The following HPDL variants were observed in gnomAD, a reference collection of about 807,000 sequenced individuals.
The protein encoded by HPDL is 4-hydroxyphenylpyruvate dioxygenase-like protein.
In HPDL, 7 loss-of-function variants were observed where a neutral mutation model predicts 9.8. The ratio of observed to expected loss-of-function variants is 0.71; its 90% CI spans 0.41 to 1.34. HPDL has a LOEUF of 1.34. Among genes scored for constraint, HPDL ranks in the 40% most tolerant of loss-of-function variants. The pLI, the probability that HPDL is intolerant of heterozygous loss-of-function variation, is 0.01. For missense variants in HPDL, 530 were observed against 495.1 expected, an observed-to-expected ratio of 1.07 and a Z score of -0.67; for synonymous variants, 250 against 228.2, an observed-to-expected ratio of 1.10 and a Z score of -0.86.
chr1:45,327,563 C>T lies in HPDL; in HGVS notation c.415C>T (p.Arg139Cys), dbSNP rs746273326. The change falls in exon 1 of 1, where the codon CGC becomes TGC. Residue 139 changes from arginine to cysteine, a missense_variant. Arg to Cys is a radical substitution (Grantham distance 180). Coordinates refer to ENST00000334815, the MANE Select transcript of HPDL (RefSeq NM_032756.4). This position sits in a 1 kb window ranked among gnomAD's most constrained non-coding sequence, Gnocchi z 6.3. ...GACCTTGCTGGAGCGCGCTGGCTAC[C>T]GCGGACCCTTCCTACCCGGCTTCAG... ...SLTLLERAGY[R>C]GPFLPGFRPV... is the part of the protein sequence containing the mutation. The T allele has an allele frequency of 1.9e-6, 3 of 1,609,918 alleles. No homozygotes were observed. The highest frequency in any genetic ancestry group is 1.1e-5 in the South Asian group (1 of 90,994).
In HPDL at chr1:45,327,902, A is replaced by G; in HGVS notation, c.754A>G (p.Lys252Glu). 6.4e-7 allele frequency: 1 copy of G among 1,551,778 alleles called. No individual in the cohort carries two copies. Among genetic ancestry groups the G allele is most frequent in the Non-Finnish European group, 8.7e-7 (1 of 1,148,714 alleles). ...GGTGGAGCAGTTCCTGGCCCGGCAC[A>G]AGGGGCCAGGCCTGCAGCACGTGGG... ...DQVEQFLARH[K>E]GPGLQHVGLY... Residue 252 changes from lysine to glutamate, a missense_variant, in exon 1 of 1, where the codon AAG becomes GAG. Transcript: ENST00000334815. This position sits in a 1 kb window ranked among gnomAD's most constrained non-coding sequence, Gnocchi z 6.3.
In HPDL at chr1:45,328,478, G is replaced by T. The variant is rs1231467143; in HGVS notation, c.*214G>T. On this transcript the variant is annotated 3_prime_UTR_variant, in exon 1 of 1. Coordinates refer to ENST00000334815, the MANE Select transcript of HPDL (RefSeq NM_032756.4). Reference sequence around the variant, plus strand: ...AAAACTAAAACATTTCTTATATACAGTCTATAATAAATATGTAAGATACAA... The same window carrying T: ...AAAACTAAAACATTTCTTATATACATTCTATAATAAATATGTAAGATACAA... The T allele has an allele frequency of 9.6e-6, 5 of 522,604 alleles. No homozygotes were observed. Among genetic ancestry groups the T allele is most frequent in the South Asian group, 7.3e-5 (2 of 27,390 alleles). 32.4% of individuals were successfully genotyped at this position (522,604 alleles called of 1,614,324 possible). A position where few individuals can be genotyped will look rare whatever the true frequency, so the allele number is the denominator to read the frequency against.
Position 45,327,200 on chromosome 1 carries a change from G to A in HPDL, c.52G>A (p.Gly18Arg). The change falls in exon 1 of 1, where the codon GGG (glycine) becomes AGG (arginine). Residue 18 changes from glycine to arginine, a missense_variant. Coordinates refer to ENST00000334815, the MANE Select transcript of HPDL (RefSeq NM_032756.4). This position sits in a 1 kb window ranked among gnomAD's most constrained non-coding sequence, Gnocchi z 6.3. ...LCHIAFHVPAGQPLARNLQRL... is the reference protein window; with the variant it reads ...LCHIAFHVPARQPLARNLQRL... ...CCACATCGCCTTCCACGTGCCCGCCGGGCAGCCCCTAGCCCGGAACCTGCA... is the reference window on the plus strand; with the variant it reads ...CCACATCGCCTTCCACGTGCCCGCCAGGCAGCCCCTAGCCCGGAACCTGCA... 6.3e-7 allele frequency: 1 copy of A among 1,594,378 alleles called. No homozygotes were observed. The highest frequency in any genetic ancestry group is 8.5e-7 in the Non-Finnish European group (1 of 1,169,860).
rs1644238533 is a variant in HPDL at position 45,326,972 on chromosome 1, G to A, written c.-177G>A. The A allele has an allele frequency of 3.4e-6, 2 of 588,890 alleles. No homozygotes were observed. The highest frequency in any genetic ancestry group is 5.4e-6 in the Non-Finnish European group (2 of 373,538). The allele number at this position is 588,890 out of a possible 1,614,324, so 36.5% of individuals were successfully genotyped here. On this transcript the variant is annotated 5_prime_UTR_variant, in exon 1 of 1. Transcript: ENST00000334815. The stretch of plus-strand genomic sequence containing the variant: ...CTGGGGTGGCGCTGCAGGGAGAACC[G>A]CGAGCTCTCAGGGGTCGGCGGGTGA...
At position 45,327,910 on chromosome 1, in the gene HPDL, A is replaced by G; in HGVS notation, c.762A>G (p.Pro254=). ...VEQFLARHKG[P]GLQHVGLYTP... is the part of the protein sequence containing the mutation. ...AGTTCCTGGCCCGGCACAAGGGGCC[A>G]GGCCTGCAGCACGTGGGGCTGTATA... Residue 254 remains proline (P), a synonymous_variant, in exon 1 of 1, where the codon CCA becomes CCG. Transcript: ENST00000334815. The surrounding 1 kb of genome is among the most constrained non-coding windows in gnomAD (Gnocchi z 6.3). The G allele has an allele frequency of 6.4e-7, 1 of 1,559,436 alleles. No individual in the cohort carries two copies. The highest frequency in any genetic ancestry group is 1.2e-5 in the South Asian group (1 of 82,044).
At position 45,327,905 on chromosome 1, in the gene HPDL, G is replaced by T. The variant is rs748806937; in HGVS notation, c.757G>T (p.Gly253Trp). ...GGAGCAGTTCCTGGCCCGGCACAAGGGGCCAGGCCTGCAGCACGTGGGGCT... is the reference window on the plus strand; with the variant it reads ...GGAGCAGTTCCTGGCCCGGCACAAGTGGCCAGGCCTGCAGCACGTGGGGCT... ...QVEQFLARHKGPGLQHVGLYT... is the reference protein window; with the variant it reads ...QVEQFLARHKWPGLQHVGLYT... The change falls in exon 1 of 1, where the codon GGG (glycine) becomes TGG (tryptophan). Residue 253 changes from glycine (G) to tryptophan (W), a missense_variant. Gly to Trp is a radical substitution (Grantham distance 184). Coordinates refer to ENST00000334815, the MANE Select transcript of HPDL (RefSeq NM_032756.4). This position sits in a 1 kb window ranked among gnomAD's most constrained non-coding sequence, Gnocchi z 6.3. 4 of 1,552,944 alleles carry T rather than the reference G, an allele frequency of 2.6e-6. No individual in the cohort carries two copies. Among genetic ancestry groups the T allele is most frequent in the Non-Finnish European group, 3.5e-6 (4 of 1,149,498 alleles).
At position 45,327,739 on chromosome 1, in the gene HPDL, C is replaced by T. The variant is rs201621719; in HGVS notation, c.591C>T (p.Pro197=). 4 of 1,612,680 alleles carry T rather than the reference C, an allele frequency of 2.5e-6. No homozygotes were observed. The highest frequency in any genetic ancestry group is 2.2e-5 in the East Asian group (1 of 44,848). The change falls in exon 1 of 1, where the codon CCC becomes CCT. Residue 197 remains proline (P), a synonymous_variant. Coordinates refer to ENST00000334815, the MANE Select transcript of HPDL (RefSeq NM_032756.4). The surrounding 1 kb of genome is among the most constrained non-coding windows in gnomAD (Gnocchi z 6.3). ...TGCCGCTGAGCCCAGGTGAGGATCC[C>T]GAGCTGGGCCTCGAAATGACAGCAG... The part of the protein sequence containing the change: ...CHLPLSPGED[P]ELGLEMTAGF...
Position 45,327,858 on chromosome 1 carries a change from C to T in HPDL, c.710C>T (p.Ala237Val), listed in dbSNP as rs1196412544. The T allele has an allele frequency of 1.3e-5, 20 of 1,546,574 alleles. No individual in the cohort carries two copies. Among genetic ancestry groups the T allele is most frequent in the Non-Finnish European group, 1.7e-5 (20 of 1,146,372 alleles). ...TLVLAESLPGATTRQDQVEQF... is the reference protein window; with the variant it reads ...TLVLAESLPGVTTRQDQVEQF... The stretch of plus-strand genomic sequence containing the variant: ...GTTCTGGCTGAGTCCCTTCCGGGGG[C>T]GACGACACGACAGGACCAGGTGGAG... The change falls in exon 1 of 1, where the codon GCG becomes GTG. Residue 237 changes from alanine to valine, a missense_variant. Transcript: ENST00000334815. This position sits in a 1 kb window ranked among gnomAD's most constrained non-coding sequence, Gnocchi z 6.3.
At position 45,327,163 on chromosome 1, in the gene HPDL, C is replaced by G; in HGVS notation, c.15C>G (p.Ala5=). 1 of 1,563,626 alleles carries G rather than the reference C, an allele frequency of 6.4e-7. No homozygotes were observed. Among genetic ancestry groups the G allele is most frequent in the South Asian group, 1.2e-5 (1 of 85,834 alleles). MAAP[A]LRLCHIAFHV... Reference sequence around the variant, plus strand: ...TCCAGAGCGCCATGGCCGCGCCCGCCCTTCGTTTGTGCCACATCGCCTTCC... The same window carrying G: ...TCCAGAGCGCCATGGCCGCGCCCGCGCTTCGTTTGTGCCACATCGCCTTCC... Residue 5 remains alanine (A), a synonymous_variant, in exon 1 of 1, where the codon GCC becomes GCG. Transcript: ENST00000334815. The surrounding 1 kb of genome is among the most constrained non-coding windows in gnomAD (Gnocchi z 6.3).
In HPDL at chr1:45,328,075, A is replaced by G; in HGVS notation, c.927A>G (p.Arg309=). Residue 309 remains arginine, a synonymous_variant, in exon 1 of 1, where the codon CGA becomes CGG. Transcript: ENST00000334815. ...AAGHEPHLLA[R]QGILLDGDKG... ...GGCACGAGCCTCATCTGCTTGCTCG[A>G]CAGGGGATCCTGCTAGATGGTGATA... 1 of 1,614,240 alleles carries G rather than the reference A, an allele frequency of 6.2e-7. No individual in the cohort carries two copies. The highest frequency in any genetic ancestry group is 8.5e-7 in the Non-Finnish European group (1 of 1,180,044).
rs1312913891 is a variant in HPDL at position 45,327,994 on chromosome 1, T to A, written c.846T>A (p.Ala282=). 24 of 1,611,208 alleles carry A rather than the reference T, an allele frequency of 1.5e-5. No homozygotes were observed. The highest frequency in any genetic ancestry group is 2.0e-5 in the Non-Finnish European group (24 of 1,178,058). Residue 282 remains alanine (A), a synonymous_variant, in exon 1 of 1, where the codon GCT becomes GCA. Coordinates refer to ENST00000334815, the MANE Select transcript of HPDL (RefSeq NM_032756.4). The surrounding 1 kb of genome is among the most constrained non-coding windows in gnomAD (Gnocchi z 6.3). The part of the protein sequence containing the change: ...GVATAGGQFL[A]PPGAYYQQPG... ...CAACTGCTGGAGGCCAGTTCCTGGC[T>A]CCCCCTGGGGCATACTACCAGCAGC...
Position 45,327,632 on chromosome 1 carries a change from G to C in HPDL, c.484G>C (p.Asp162His). The change falls in exon 1 of 1, where the codon GAC becomes CAC. Residue 162 changes from aspartate (D) to histidine (H), a missense_variant. Physicochemically the swap from Asp to His is moderately conservative, Grantham distance 81. Coordinates refer to ENST00000334815, the MANE Select transcript of HPDL (RefSeq NM_032756.4). This position sits in a 1 kb window ranked among gnomAD's most constrained non-coding sequence, Gnocchi z 6.3. ...APGPGWVSRV[D>H]HLTLACTPGS... ...TGGCCCCGGGTGGGTCAGCCGCGTG[G>C]ACCACCTGACCTTGGCCTGCACCCC... The C allele has an allele frequency of 1.2e-6, 2 of 1,612,436 alleles. No homozygotes were observed. Among genetic ancestry groups the C allele is most frequent in the Non-Finnish European group, 8.5e-7 (1 of 1,179,670 alleles).
At position 45,327,401 on chromosome 1, in the gene HPDL, G is replaced by A; in HGVS notation, c.253G>A (p.Val85Met). 1 of 1,585,436 alleles carries A rather than the reference G, an allele frequency of 6.3e-7. No homozygotes were observed. Among genetic ancestry groups the A allele is most frequent in the Non-Finnish European group, 8.5e-7 (1 of 1,170,996 alleles). Residue 85 changes from valine to methionine, a missense_variant, in exon 1 of 1, where the codon GTG (valine) becomes ATG (methionine). Transcript: ENST00000334815. This position sits in a 1 kb window ranked among gnomAD's most constrained non-coding sequence, Gnocchi z 6.3. ...VPSATNLCFD[V>M]ADAGAATREL... ...CAGCGCCACAAACCTGTGCTTCGAC[G>A]TGGCGGACGCCGGCGCTGCAACCCG...
rs367779968 is a variant in HPDL, at chr1:45,327,107, G to A, written c.-42G>A. The A allele has an allele frequency of 6.9e-5, 104 of 1,508,814 alleles. No homozygotes were observed. Among genetic ancestry groups the A allele is most frequent in the Non-Finnish European group, 9.0e-5 (102 of 1,131,974 alleles). 93.5% of individuals were successfully genotyped at this position (1,508,814 alleles called of 1,614,324 possible). On this transcript the variant is annotated 5_prime_UTR_variant, in exon 1 of 1. Coordinates refer to ENST00000334815, the MANE Select transcript of HPDL (RefSeq NM_032756.4). This position sits in a 1 kb window ranked among gnomAD's most constrained non-coding sequence, Gnocchi z 6.3. ...CCCCGAAGTCCCCAACCACAAGTAA[G>A]CGGCCCCAGAAGGACAAGTCTAGGT... is the stretch of plus-strand genomic sequence containing the variant.
In HPDL at chr1:45,327,253, T is replaced by G; in HGVS notation, c.105T>G (p.Ala35=). The G allele has an allele frequency of 6.2e-7, 1 of 1,604,420 alleles. No individual in the cohort carries two copies. The highest frequency in any genetic ancestry group is 8.5e-7 in the Non-Finnish European group (1 of 1,177,272). ...GCCTCTTCGGCTTCCAGCCCCTGGC[T>G]TCGCGGGAGGTGGACGGCTGGCGGC... is the stretch of plus-strand genomic sequence containing the variant. ...LQRLFGFQPL[A]SREVDGWRQL... is the part of the protein sequence containing the mutation. The change falls in exon 1 of 1, where the codon GCT becomes GCG. Residue 35 remains alanine, a synonymous_variant. Transcript: ENST00000334815. This position sits in a 1 kb window ranked among gnomAD's most constrained non-coding sequence, Gnocchi z 6.3.
Position 45,328,302 on chromosome 1 carries a change from C to A in HPDL, c.*38C>A. ...CTGGGTGCAGCCAGCTGTCCTGCAG[C>A]TCTGGGGAGACCAGCACAGAACTGA... On this transcript the variant is annotated 3_prime_UTR_variant, in exon 1 of 1. Coordinates refer to ENST00000334815, the MANE Select transcript of HPDL (RefSeq NM_032756.4). 1 of 1,598,500 alleles carries A rather than the reference C, an allele frequency of 6.3e-7. No homozygotes were observed. The highest frequency in any genetic ancestry group is 8.5e-7 in the Non-Finnish European group (1 of 1,170,736).
chr1:45,328,480 CTA>C lies in HPDL; in HGVS notation c.*219_*220del. On this transcript the variant is annotated 3_prime_UTR_variant, in exon 1 of 1. Coordinates refer to ENST00000334815, the MANE Select transcript of HPDL (RefSeq NM_032756.4). Reference sequence around the variant, plus strand: ...AACTAAAACATTTCTTATATACAGTCTATAATAAATATGTAAGATACAAAGAA... The same window carrying C: ...AACTAAAACATTTCTTATATACAGTCTAATAAATATGTAAGATACAAAGAA... The C allele has an allele frequency of 1.9e-6, 1 of 519,376 alleles. No homozygotes were observed. Among genetic ancestry groups the C allele is most frequent in the Non-Finnish European group, 3.5e-6 (1 of 285,382 alleles). The allele number at this position is 519,376 out of a possible 1,614,324, so 32.2% of individuals were successfully genotyped here. A position where few individuals can be genotyped will look rare whatever the true frequency, so the allele number is the denominator to read the frequency against.
chr1:45,328,355 G>A lies in HPDL; in HGVS notation c.*91G>A. ...AACATCTGCAGGAGGCCCAACTAGT[G>A]AAAGGCTTTGCCTCCGGGGGGCAGG... On this transcript the variant is annotated 3_prime_UTR_variant, in exon 1 of 1. Transcript: ENST00000334815. The A allele has an allele frequency of 7.2e-7, 1 of 1,383,386 alleles. No homozygotes were observed. The highest frequency in any genetic ancestry group is 9.8e-7 in the Non-Finnish European group (1 of 1,021,242). The allele number at this position is 1,383,386 out of a possible 1,614,324, so 85.7% of individuals were successfully genotyped here. A position where few individuals can be genotyped will look rare whatever the true frequency, so the allele number is the denominator to read the frequency against.
Position 45,328,414 on chromosome 1 carries a change from CTG to C in HPDL, c.*154_*155del. ...CCATTTCATCAGTGCCTGCCAGAAG[CTG>C]TGTCTCTCATTGGGCTCCAAAGAGG... On this transcript the variant is annotated 3_prime_UTR_variant, in exon 1 of 1. Transcript: ENST00000334815. 1.4e-6 allele frequency: 1 copy of C among 732,448 alleles called. No homozygotes were observed. Among genetic ancestry groups the C allele is most frequent in the Non-Finnish European group, 2.2e-6 (1 of 451,830 alleles). 45.4% of individuals were successfully genotyped at this position (732,448 alleles called of 1,614,324 possible).
Sources: gnomAD v4.1 joint callset for allele counts on GRCh38, gnomAD v4.1.1 for gene constraint, Gnocchi (gnomAD v3.1) non-coding constraint, MANE v1.5 for transcripts, NCBI Gene and HGNC (gene_info 2026-07-23, HGNC 2026-07-21) for gene names.